The following CDH4 variants were observed in gnomAD, a reference collection of about 807,000 sequenced individuals.
CDH4 encodes the protein cadherin 4, also known as cadherin-4.
A neutral mutation model predicts 86.0 loss-of-function variants in CDH4; 33 were observed. The observed-to-expected ratio is 0.38, with a 90% CI of 0.29 to 0.51. The LOEUF (loss-of-function observed/expected upper bound fraction) is 0.51. Ranked by LOEUF, CDH4 falls within the 20% of genes least tolerant of loss-of-function variation. CDH4 has a pLI of 0.86. For missense variants in CDH4, 1,114 were observed against 1,307.4 expected, an observed-to-expected ratio of 0.85 and a Z score of 2.28; for synonymous variants, 555 against 549.4, an observed-to-expected ratio of 1.01 and a Z score of -0.14.
chr20:61,624,552 G>A (rs534950264), intron 2 of CDH4, among the ~76,000 whole-genome samples: 1 of 152,338 alleles, frequency 6.6e-6, no homozygotes, highest in Non-Finnish European at 1.5e-5. Flanking sequence ...TGGCCTCCAA[G>A]GCCAGGCAGC....
At chr20:61,884,217 G>A (rs1225035080) in intron 7 of CDH4, among the ~76,000 whole-genome samples, 1 of 152,190 alleles carries the variant, frequency 6.6e-6, no homozygotes, top group African/African-American at 2.4e-5. Flanking sequence ...GCCAGAGCTA[G>A]GGACACCGGA....
chr20:61,839,522 ATGTG>A (rs777406911), intron 4 of CDH4, among the ~76,000 whole-genome samples: 1 of 111,422 alleles, frequency 9.0e-6, no homozygotes, highest in Non-Finnish European at 2.3e-5. Context: ...TGTTGTGTGT[ATGTG>A]TGTTTGTGTA....
intron 4 of CDH4, among the ~76,000 whole-genome samples, chr20:61,820,651 GC>G (rs1305391478): frequency 1.3e-5 from 2 of 152,146 alleles, no homozygotes; most frequent in South Asian, 2.1e-4. Flanking sequence ...CAGCATCGCC[GC>G]CCCCCATCCC....
intron 4 of CDH4, among the ~76,000 whole-genome samples, chr20:61,786,833 G>A (rs1438053564): frequency 6.6e-6 from 1 of 152,216 alleles, no homozygotes; most frequent in Non-Finnish European, 1.5e-5. Context: ...CCTTGTGTCT[G>A]CCAGGCCAGC....
At chr20:61,383,562 G>T (rs1358241923) in intron 2 of CDH4, among the ~76,000 whole-genome samples, 7 of 1,924 alleles carry the variant, frequency 3.6e-3, no homozygotes, top group Non-Finnish European at 5.2e-3. Flanking sequence ...TATGATATAT[G>T]ATATATGATA....
intron 6 of CDH4, among the ~76,000 whole-genome samples, chr20:61,872,703 G>A (rs578155711): frequency 2.0e-5 from 3 of 152,260 alleles, no homozygotes; most frequent in Non-Finnish European, 4.4e-5. Context: ...CACGTGTGCA[G>A]AGCCAGGGCA....
At chr20:61,923,382 T>A in intron 9 of CDH4, 69 bp from the exon 10 acceptor site, 1 of 1,528,756 alleles carries the variant, frequency 6.5e-7, no homozygotes, top group Non-Finnish European at 9.0e-7. Flanking sequence ...AACCTTCCCA[T>A]GTGTCCCCCC....
In CDH4 at chr20:61,451,127, C is replaced by CG. The variant is rs1568849733; in HGVS notation, c.169+196190_169+196191insG. ...GCTTTTTCCCTCCCTCTCACGCCCC[C>CG]CCCCTTCCCTCCGTGTCATCCTGCC... is the stretch of plus-strand genomic sequence containing the variant. On this transcript the variant is annotated intron_variant, in intron 2 of 15. Coordinates refer to ENST00000614565, the MANE Select transcript of CDH4 (RefSeq NM_001794.5). Among the ~76,000 whole-genome samples, 5 of 106,044 alleles carry CG rather than the reference C, an allele frequency of 4.7e-5. No homozygotes were observed. In the East Asian group the frequency reaches 8.4e-4, roughly 18 times the overall value. 69.6% of individuals were successfully genotyped at this position (106,044 alleles called of 152,430 possible). A position where few individuals can be genotyped will look rare whatever the true frequency, so the allele number is the denominator to read the frequency against.
At chr20:61,785,193 C>T (rs1978811945) in intron 4 of CDH4, among the ~76,000 whole-genome samples, 1 of 152,140 alleles carries the variant, frequency 6.6e-6, no homozygotes, top group African/African-American at 2.4e-5. Context: ...CCTATTCACA[C>T]GCAGCCCTGG....
chr20:61,368,346 G>T (rs945249979), intron 2 of CDH4, among the ~76,000 whole-genome samples: 5 of 152,066 alleles, frequency 3.3e-5, no homozygotes, highest in Non-Finnish European at 7.4e-5. Context: ...GAATGGGATC[G>T]GTGCACTTAG....
intron 4 of CDH4, among the ~76,000 whole-genome samples, chr20:61,816,687 A>G (rs1980727744): frequency 9.1e-6 from 1 of 109,914 alleles, no homozygotes; most frequent in Non-Finnish European, 2.3e-5. Context: ...CGCACGTTAA[A>G]TGGGGGGGGG....
intron 2 of CDH4, among the ~76,000 whole-genome samples, chr20:61,581,521 C>T (rs1202031430): frequency 1.3e-5 from 2 of 152,142 alleles, no homozygotes; most frequent in Non-Finnish European, 2.9e-5. Flanking sequence ...CCAACATCAC[C>T]CCTCCTCCTG....
At position 61,653,794 on chromosome 20, in the gene CDH4, G is replaced by A. The variant is rs1328004258; in HGVS notation, c.170-89769G>A. Among the ~76,000 whole-genome samples, 5 of 114,208 alleles carry A rather than the reference G, an allele frequency of 4.4e-5. 1 individual carries two copies. Among genetic ancestry groups the A allele is most frequent in the Admixed American group, 3.4e-4 (4 of 11,824 alleles). 74.9% of individuals were successfully genotyped at this position (114,208 alleles called of 152,430 possible). A position where few individuals can be genotyped will look rare whatever the true frequency, so the allele number is the denominator to read the frequency against. On this transcript the variant is annotated intron_variant, in intron 2 of 15. Coordinates refer to ENST00000614565, the MANE Select transcript of CDH4 (RefSeq NM_001794.5). ...CCCACATCCCAGACGATGGGCGGCC[G>A]GGCAGAGACGCTCCTCACTTCCTAG... is the stretch of plus-strand genomic sequence containing the variant.
chr20:61,924,091 A>G (rs919319620), intron 10 of CDH4, among the ~76,000 whole-genome samples: 1 of 151,568 alleles, frequency 6.6e-6, no homozygotes, highest in Non-Finnish European at 1.5e-5. Flanking sequence ...GAGACCACCC[A>G]CTACTGGATG....
At chr20:61,431,647 G>A (rs1285116973) in intron 2 of CDH4, among the ~76,000 whole-genome samples, 2 of 152,158 alleles carry the variant, frequency 1.3e-5, no homozygotes, top group Non-Finnish European at 2.9e-5. Flanking sequence ...GGAGTGAACA[G>A]CCATGCCTGG....
Position 61,295,865 on chromosome 20 carries a change from G to A in CDH4, c.169+40928G>A, listed in dbSNP as rs149516770. Among the ~76,000 whole-genome samples, 1,136 of 152,332 alleles carry A rather than the reference G, an allele frequency of 7.5e-3. 17 individuals carry two copies. Among genetic ancestry groups the A allele is most frequent in the African/African-American group, 0.025 (1,055 of 41,572 alleles). On this transcript the variant is annotated intron_variant, in intron 2 of 15. Coordinates refer to ENST00000614565, the MANE Select transcript of CDH4 (RefSeq NM_001794.5). ...TGTGTCCTGGGGTCCCCGGCCGGCC[G>A]GAAGCAGCTGCCTCCCTCTCTGGAA...
At chr20:61,932,843 T>A in intron 13 of CDH4, 142 bp from the exon 14 acceptor site, 1 of 1,081,642 alleles carries the variant, frequency 9.2e-7, no homozygotes, top group Non-Finnish European at 1.3e-6. Context: ...GCGTGTGCAG[T>A]ACAGGTGTGC....
At position 61,516,212 on chromosome 20, in the gene CDH4, G is replaced by A. The variant is rs1210679081; in HGVS notation, c.170-227351G>A. Among the ~76,000 whole-genome samples, 3 of 152,182 alleles carry A rather than the reference G, an allele frequency of 2.0e-5. No homozygotes were observed. The highest frequency in any genetic ancestry group is 7.2e-5 in the African/African-American group (3 of 41,452). On this transcript the variant is annotated intron_variant, in intron 2 of 15. Transcript: ENST00000614565. This position sits in a 1 kb window ranked among gnomAD's most constrained non-coding sequence, Gnocchi z 4.0. ...TCTCTTACCCTAGAAGCTGCGGCAG[G>A]TGTCCGCCCTGGGGACTAAGCAAAA...
chr20:61,430,040 G>C (rs1381474789), intron 2 of CDH4, among the ~76,000 whole-genome samples: 2 of 152,208 alleles, frequency 1.3e-5, no homozygotes, highest in African/African-American at 4.8e-5. Context: ...CAGAGATTCT[G>C]AGTCAGCAGA....
Sources: allele counts gnomAD v4.1 joint callset (sites outside exome capture counted in the v4.1 genomes callset), GRCh38; gene constraint gnomAD v4.1.1; non-coding constraint Gnocchi (gnomAD v3.1); transcripts MANE v1.5; gene names NCBI Gene and HGNC (gene_info 2026-07-23, HGNC 2026-07-21).